Variants in CDH12 observed in about 807,000 individuals in gnomAD.
CDH12 encodes the protein cadherin 12.
Under a neutral mutation model 74.1 loss-of-function variants are expected in CDH12, and 41 were observed. The ratio of observed to expected loss-of-function variants is 0.55; its 90% CI spans 0.43 to 0.72. The LOEUF (loss-of-function observed/expected upper bound fraction) is 0.72, where lower values mean the gene tolerates loss of function less well. Ranked by LOEUF, CDH12 falls within the 30% of genes least tolerant of loss-of-function variation. The probability of loss-of-function intolerance (pLI) is 0.00; values close to 1 mark genes in which losing one functional copy is unlikely to be tolerated. For synonymous variants in CDH12, 399 were observed against 355.0 expected, an observed-to-expected ratio of 1.12 and a Z score of -1.39; for missense variants, 945 against 977.2, an observed-to-expected ratio of 0.97 and a Z score of 0.44.
At chr5:21,917,428 A>C (rs765161122) in intron 6 of CDH12, among the ~76,000 whole-genome samples, 1 of 152,196 alleles carries the variant, frequency 6.6e-6, no homozygotes, top group Non-Finnish European at 1.5e-5. Context: ...TCATTATATA[A>C]AAATTACCAG....
chr5:21,947,086 T>C (rs1755612582), intron 6 of CDH12, among the ~76,000 whole-genome samples: 1 of 152,238 alleles, frequency 6.6e-6, no homozygotes, highest in South Asian at 2.1e-4. Flanking sequence ...CAACTGCTTT[T>C]ATTCCACCAT....
rs181516907 is a variant in CDH12, at chr5:22,301,512, C to G, written c.-332-88869G>C. On this transcript the variant is annotated intron_variant, in intron 3 of 14. Transcript: ENST00000382254. ...GCATTCTACAAAAGAGCCAAGTAAACTTCAGCCACAACAAAATATACTGCA... is the reference window on the plus strand; with the variant it reads ...GCATTCTACAAAAGAGCCAAGTAAAGTTCAGCCACAACAAAATATACTGCA... Among the ~76,000 whole-genome samples the G allele has an allele frequency of 1.4e-3, 214 of 152,280 alleles. 6 individuals carry two copies. Among genetic ancestry groups the G allele is most frequent in the Admixed American group, 0.014 (208 of 15,292 alleles).
intron 3 of CDH12, among the ~76,000 whole-genome samples, chr5:22,371,531 C>T (rs1395609864): frequency 6.6e-6 from 1 of 152,108 alleles, no homozygotes; most frequent in Non-Finnish European, 1.5e-5. Flanking sequence ...ACATTGGATC[C>T]TCCAAGTATT....
At chr5:22,204,766 G>C (rs946793046) in intron 4 of CDH12, among the ~76,000 whole-genome samples, 3 of 152,174 alleles carry the variant, frequency 2.0e-5, no homozygotes, top group African/African-American at 7.2e-5. Context: ...ATTTCCATTA[G>C]GAGCTAATGG....
chr5:22,470,565 C>T (rs1745916342), intron 2 of CDH12, among the ~76,000 whole-genome samples: 1 of 151,958 alleles, frequency 6.6e-6, no homozygotes, highest in Non-Finnish European at 1.5e-5. Context: ...ACTACAGGCA[C>T]ATGCCACCCT....
intron 3 of CDH12, among the ~76,000 whole-genome samples, chr5:22,285,476 T>C (rs924799924): frequency 2.0e-5 from 3 of 152,162 alleles, no homozygotes; most frequent in Admixed American, 2.0e-4. Flanking sequence ...AAAAATGCTA[T>C]GCTGAGCCTC....
In CDH12 at chr5:22,078,604, G is replaced by T. The variant is rs544820150; in HGVS notation, c.73C>A (p.Pro25Thr). 6.8e-6 allele frequency: 11 copies of T among 1,613,930 alleles called. No individual in the cohort carries two copies. The East Asian group carries it at 2.5e-4, about 36-fold the overall frequency. The change falls in exon 5 of 15, where the codon CCA becomes ACA. Residue 25 changes from proline to threonine, a missense_variant. By Grantham distance (38) the Pro-to-Thr change is conservative. Transcript: ENST00000382254. ...GTGGCTAAAGTCTGCTGTGGCTGTG[G>T]TTGTAGTGGTGTTAGGAGACCTCCA... The part of the protein sequence containing the change: ...FDGGLLTPLQ[P>T]QPQQTLATEP...
intron 5 of CDH12, among the ~76,000 whole-genome samples, chr5:22,070,100 C>CT (rs1741843976): frequency 6.6e-6 from 1 of 151,962 alleles, no homozygotes; most frequent in Admixed American, 6.6e-5. Flanking sequence ...TATTTAATAT[C>CT]TTTTTTCTTC....
At chr5:21,820,469 T>G (rs1035303227) in intron 8 of CDH12, among the ~76,000 whole-genome samples, 1 of 152,152 alleles carries the variant, frequency 6.6e-6, no homozygotes, top group South Asian at 2.1e-4. Context: ...TGATTACTTT[T>G]TGTGTGTGTT....
chr5:21,767,966 T>C (rs1375558758), intron 11 of CDH12, among the ~76,000 whole-genome samples: 1 of 151,732 alleles, frequency 6.6e-6, no homozygotes, highest in Non-Finnish European at 1.5e-5. Context: ...AATGACCTAT[T>C]TTCTTACTGA....
rs149408393 is a variant in CDH12 at position 22,542,021 on chromosome 5, T to C, written c.-522-36657A>G. ...CAGACAATATTTATTGCTCTTATGT[T>C]GCTTTTACAGATCACTTTCCTGAGT... is the stretch of plus-strand genomic sequence containing the variant. On this transcript the variant is annotated intron_variant, in intron 1 of 14. Coordinates refer to ENST00000382254, the MANE Select transcript of CDH12 (RefSeq NM_004061.5). Among the ~76,000 whole-genome samples the C allele has an allele frequency of 3.9e-3, 591 of 152,338 alleles. 5 individuals are homozygous for C. The highest frequency in any genetic ancestry group is 0.013 in the African/African-American group (557 of 41,590).
At position 21,905,338 on chromosome 5, in the gene CDH12, T is replaced by C. The variant is rs16888816; in HGVS notation, c.527-50548A>G. Among the ~76,000 whole-genome samples the C allele has an allele frequency of 5.8e-3, 884 of 152,348 alleles. 7 individuals are homozygous for C. Among genetic ancestry groups the C allele is most frequent in the African/African-American group, 0.02 (847 of 41,590 alleles). The stretch of plus-strand genomic sequence containing the variant: ...CAAAGATTTGGGAGAATCCCTCCAA[T>C]TGTGACGATACCTTAATTTTAGCAC... On this transcript the variant is annotated intron_variant, in intron 6 of 14. Coordinates refer to ENST00000382254, the MANE Select transcript of CDH12 (RefSeq NM_004061.5).
In CDH12 at chr5:22,179,146, C is replaced by CT. The variant is rs371602891; in HGVS notation, c.-187+33351dup. ...TTAATAAATAGCAGTGAGGAGACTC[C>CT]TGGTAAACATAGCATTTCAAACTTA... is the stretch of plus-strand genomic sequence containing the variant. On this transcript the variant is annotated intron_variant, in intron 4 of 14. Coordinates refer to ENST00000382254, the MANE Select transcript of CDH12 (RefSeq NM_004061.5). 3.5e-3 allele frequency among the ~76,000 whole-genome samples: 534 copies of CT among 152,242 alleles called. 4 individuals are homozygous for CT. Among genetic ancestry groups the CT allele is most frequent in the African/African-American group, 0.012 (516 of 41,550 alleles).
chr5:22,697,076 T>C (rs1245516939), intron 1 of CDH12, among the ~76,000 whole-genome samples: 1 of 152,184 alleles, frequency 6.6e-6, no homozygotes, highest in Non-Finnish European at 1.5e-5. Flanking sequence ...CGCATTTCAC[T>C]AGGGGAATCC....
At chr5:22,057,005 A>G (rs1053233233) in intron 5 of CDH12, among the ~76,000 whole-genome samples, 1 of 152,148 alleles carries the variant, frequency 6.6e-6, no homozygotes, top group African/African-American at 2.4e-5. Context: ...CTGCATGTTC[A>G]CAAATGAAAA....
intron 1 of CDH12, among the ~76,000 whole-genome samples, chr5:22,769,183 C>T (rs1174160302): frequency 6.6e-6 from 1 of 152,044 alleles, no homozygotes; most frequent in African/African-American, 2.4e-5. Flanking sequence ...ATGGTGTTGC[C>T]AGAAGAAATT....
intron 4 of CDH12, among the ~76,000 whole-genome samples, chr5:22,134,925 A>G (rs1373500591): frequency 1.3e-5 from 2 of 151,958 alleles, no homozygotes; most frequent in Admixed American, 6.6e-5. Context: ...GCTTCCAGCC[A>G]TTTACTCATT....
At chr5:21,925,705 C>T (rs1015319899) in intron 6 of CDH12, among the ~76,000 whole-genome samples, 1 of 152,116 alleles carries the variant, frequency 6.6e-6, no homozygotes, top group African/African-American at 2.4e-5. Flanking sequence ...AGAACTGTAT[C>T]CATAATTTAT....
chr5:22,166,671 A>G lies in CDH12; in HGVS notation c.-187+45827T>C, dbSNP rs183009007. On this transcript the variant is annotated intron_variant, in intron 4 of 14. Transcript: ENST00000382254. Reference sequence around the variant, plus strand: ...GTACACATGCTTTTAAAATATTTTGACAGATTAAAAACTACATAGTAAAAC... The same window carrying G: ...GTACACATGCTTTTAAAATATTTTGGCAGATTAAAAACTACATAGTAAAAC... Among the ~76,000 whole-genome samples, 1,283 of 152,334 alleles carry G rather than the reference A, an allele frequency of 8.4e-3. 12 individuals are homozygous for G. Among genetic ancestry groups the G allele is most frequent in the Non-Finnish European group, 0.012 (839 of 68,010 alleles).
Sources: gnomAD v4.1 joint callset for allele counts (sites outside exome capture counted in the v4.1 genomes callset) on GRCh38, gnomAD v4.1.1 for gene constraint, MANE v1.5 for transcripts, NCBI Gene and HGNC (gene_info 2026-07-23, HGNC 2026-07-21) for gene names.